The following VSTM4 variants were observed in gnomAD, a reference collection of about 807,000 sequenced individuals.
VSTM4 encodes V-set and transmembrane domain-containing protein 4.
Under a neutral mutation model 36.4 loss-of-function variants are expected in VSTM4, and 20 were observed. That is an observed-to-expected ratio of 0.55 (90% CI 0.39 to 0.80). The LOEUF (loss-of-function observed/expected upper bound fraction) is 0.80. Among genes scored for constraint, VSTM4 ranks in the 30% least tolerant of loss-of-function variants. The probability of loss-of-function intolerance (pLI) is 0.00; values close to 1 mark genes in which losing one functional copy is unlikely to be tolerated. For missense variants in VSTM4, 392 were observed against 404.5 expected, an observed-to-expected ratio of 0.97 and a Z score of 0.26; for synonymous variants, 182 against 173.9, an observed-to-expected ratio of 1.05 and a Z score of -0.37.
chr10:49,099,277 C>T (rs1299175447), intron 2 of VSTM4, among the ~76,000 whole-genome samples: 1 of 152,208 alleles, frequency 6.6e-6, no homozygotes, highest in Non-Finnish European at 1.5e-5. Context: ...CGAATCCTTT[C>T]GCAGAGAGAG....
intron 5 of VSTM4, among the ~76,000 whole-genome samples, chr10:49,056,297 C>T (rs978662620): frequency 1.5e-4 from 23 of 152,234 alleles, no homozygotes; most frequent in African/African-American, 5.5e-4. Context: ...TTTGTGCTAA[C>T]ATTTTTTTAC....
chr10:49,047,773 G>A (rs1239828635), intron 6 of VSTM4, among the ~76,000 whole-genome samples: 1 of 152,174 alleles, frequency 6.6e-6, no homozygotes, highest in Non-Finnish European at 1.5e-5. Flanking sequence ...CACAGGGCTT[G>A]ATGTGTCCCT....
In VSTM4 at chr10:49,079,769, G is replaced by A. The variant is rs748699082; in HGVS notation, c.527-2443C>T. Among the ~76,000 whole-genome samples the A allele has an allele frequency of 6.2e-4, 94 of 151,750 alleles. 3 individuals carry two copies. Among genetic ancestry groups the A allele is most frequent in the Non-Finnish European group, 3.5e-4 (24 of 67,984 alleles). On this transcript the variant is annotated intron_variant, in intron 3 of 7. Coordinates refer to ENST00000332853, the MANE Select transcript of VSTM4 (RefSeq NM_001031746.5). ...TCCAAGAGGGCTAGAGTTCTGCACC[G>A]AGTTGTATTTAAAATAACAAAAAAT...
chr10:49,043,540 C>T (rs1390746018), intron 7 of VSTM4, among the ~76,000 whole-genome samples: 1 of 151,968 alleles, frequency 6.6e-6, no homozygotes. Flanking sequence ...GTTTATGAAT[C>T]TAGAATTCCA....
intron 2 of VSTM4, chr10:49,102,811 G>A (rs1844692976): frequency 3.3e-6 from 3 of 911,634 alleles, no homozygotes; most frequent in Non-Finnish European, 3.9e-6. Flanking sequence ...TGTGTACCAG[G>A]CACTGTTGCA....
intron 6 of VSTM4, 90 bp downstream of exon 6, chr10:49,048,388 G>T: frequency 8.6e-7 from 1 of 1,165,612 alleles, no homozygotes; most frequent in Non-Finnish European, 1.2e-6. Flanking sequence ...ATCTGCCTAC[G>T]CTCCCTGTCA....
chr10:49,054,775 G>A (rs1487371329), intron 5 of VSTM4, among the ~76,000 whole-genome samples: 1 of 152,168 alleles, frequency 6.6e-6, no homozygotes, highest in Non-Finnish European at 1.5e-5. Flanking sequence ...AGTGCATGTG[G>A]CATCAGGAGT....
chr10:49,089,207 ATG>A (rs1408114660), intron 2 of VSTM4, among the ~76,000 whole-genome samples: 4 of 152,192 alleles, frequency 2.6e-5, no homozygotes, highest in Admixed American at 2.6e-4. Context: ...AAAGGGGTTC[ATG>A]TGTGTGAAGT....
intron 1 of VSTM4, among the ~76,000 whole-genome samples, chr10:49,114,585 G>GTTT (rs33942311): frequency 0.076 from 10,852 of 142,286 alleles, 550 homozygotes; most frequent in African/African-American, 0.12. Flanking sequence ...CCAAGTTCAT[G>GTTT]TTTTTTTTTT....
rs556084015 is a variant in VSTM4 at position 49,083,226 on chromosome 10, A to G, written c.526+2729T>C. On this transcript the variant is annotated intron_variant, in intron 3 of 7. Coordinates refer to ENST00000332853, the MANE Select transcript of VSTM4 (RefSeq NM_001031746.5). The stretch of plus-strand genomic sequence containing the variant: ...ATTTTTTAATCCAGCCTGTAATACC[A>G]TCTTGCTCAGGGTGAAATACCTGAG... Among the ~76,000 whole-genome samples the G allele has an allele frequency of 1.1e-4, 16 of 152,312 alleles. No homozygotes were observed. The South Asian group carries it at 2.9e-3, about 28-fold the overall frequency.
chr10:49,057,126 G>T (rs553782113), intron 5 of VSTM4, among the ~76,000 whole-genome samples: 2 of 152,084 alleles, frequency 1.3e-5, no homozygotes, highest in Admixed American at 1.3e-4. Context: ...TGAGGGATCT[G>T]CCCCCATGAC....
chr10:49,071,445 G>C (rs1450835936), intron 4 of VSTM4, among the ~76,000 whole-genome samples: 1 of 152,232 alleles, frequency 6.6e-6, no homozygotes, highest in Non-Finnish European at 1.5e-5. Context: ...CAAAGAGCAA[G>C]GACAGAGACT....
At chr10:49,046,381 T>A (rs1475214461) in intron 7 of VSTM4, among the ~76,000 whole-genome samples, 1 of 152,200 alleles carries the variant, frequency 6.6e-6, no homozygotes, top group Non-Finnish European at 1.5e-5. Flanking sequence ...ATGTAACAAC[T>A]AAATGCAATG....
Position 49,107,614 on chromosome 10 carries a change from G to T in VSTM4, c.437C>A (p.Ser146Tyr). 6.2e-7 allele frequency: 1 copy of T among 1,608,050 alleles called. No homozygotes were observed. Among genetic ancestry groups the T allele is most frequent in the Non-Finnish European group, 8.5e-7 (1 of 1,175,164 alleles). Residue 146 changes from serine (S) to tyrosine (Y), a missense_variant, in exon 2 of 8, where the codon TCC becomes TAC. Ser to Tyr is a moderately radical substitution (Grantham distance 144). Transcript: ENST00000332853. ...CTCACCTCTCATTTCCGTGGCTGAG[G>T]AGCCATTGGACCAGGCCGTCCACTT... ...RNKWTAWSNG[S>Y]SATEMRVISL...
chr10:49,023,305 A>G (rs575428702), intron 7 of VSTM4, among the ~76,000 whole-genome samples: 58 of 152,360 alleles, frequency 3.8e-4, no homozygotes, highest in Admixed American at 1.6e-3. Context: ...ACAATCAGCC[A>G]TGTGCCTAAT....
chr10:49,080,019 A>G (rs901560711), intron 3 of VSTM4, among the ~76,000 whole-genome samples: 9 of 152,246 alleles, frequency 5.9e-5, no homozygotes, highest in Admixed American at 2.6e-4. Context: ...ATATTAATAT[A>G]TCAGCAATGA....
At chr10:49,060,634 G>A (rs1315389889) in intron 5 of VSTM4, among the ~76,000 whole-genome samples, 2 of 152,052 alleles carry the variant, frequency 1.3e-5, no homozygotes, top group Non-Finnish European at 2.9e-5. Context: ...TGCAAATATG[G>A]GGCTTACTTA....
chr10:49,082,547 T>C (rs34574986), intron 3 of VSTM4, among the ~76,000 whole-genome samples: 41,686 of 152,004 alleles, frequency 0.27, 5,886 homozygotes, highest in Admixed American at 0.35. Flanking sequence ...TGGTGGCACA[T>C]GCCTGTAATC....
At chr10:49,095,494 T>G (rs1844553730) in intron 2 of VSTM4, among the ~76,000 whole-genome samples, 1 of 152,182 alleles carries the variant, frequency 6.6e-6, no homozygotes, top group African/African-American at 2.4e-5. Context: ...TGCCCACCCC[T>G]GTCCCCCAAC....
Sources: gnomAD v4.1 joint callset for allele counts (sites outside exome capture counted in the v4.1 genomes callset) on GRCh38, gnomAD v4.1.1 for gene constraint, MANE v1.5 for transcripts, NCBI Gene and HGNC (gene_info 2026-07-23, HGNC 2026-07-21) for gene names.